Variants in KLHL7 observed in about 807,000 individuals in gnomAD.
KLHL7 encodes the protein kelch-like protein 7.
KLHL7 carries 44 observed loss-of-function variants against 67.4 expected under a neutral mutation model. The observed-to-expected ratio is 0.65, with a 90% CI of 0.51 to 0.84. The LOEUF (loss-of-function observed/expected upper bound fraction) is 0.84, where lower values mean the gene tolerates loss of function less well. Ranked by LOEUF, KLHL7 falls within the 40% of genes least tolerant of loss-of-function variation. The probability of loss-of-function intolerance (pLI) is 0.00; values close to 1 mark genes in which losing one functional copy is unlikely to be tolerated. For synonymous variants in KLHL7, 252 were observed against 243.3 expected, an observed-to-expected ratio of 1.04 and a Z score of -0.33; for missense variants, 362 against 718.1, an observed-to-expected ratio of 0.50 and a Z score of 5.67.
At chr7:23,154,080 G>A (rs1167945234) in intron 7 of KLHL7, among the ~76,000 whole-genome samples, 1 of 152,224 alleles carries the variant, frequency 6.6e-6, no homozygotes, top group Non-Finnish European at 1.5e-5. Context: ...CAGGCCAGGT[G>A]CAGTGGCTCA....
chr7:23,134,171 T>G (rs1783894797), intron 4 of KLHL7, among the ~76,000 whole-genome samples: 2 of 152,224 alleles, frequency 1.3e-5, no homozygotes, highest in African/African-American at 4.8e-5. Flanking sequence ...GGATGTTGAA[T>G]TTTTTCAAAT....
Position 23,119,523 on chromosome 7 carries a change from A to G in KLHL7, c.121-4254A>G, listed in dbSNP as rs369795389. On this transcript the variant is annotated intron_variant, in intron 1 of 10. Transcript: ENST00000339077. ...CCCCCAATATTGTCACATATTATTA[A>G]CATTCATAGTTTACATTAGGGTTGA... 1.6e-4 allele frequency among the ~76,000 whole-genome samples: 25 copies of G among 152,322 alleles called. No individual in the cohort carries two copies. The South Asian group carries it at 5.0e-3, about 30-fold the overall frequency.
intron 1 of KLHL7, among the ~76,000 whole-genome samples, chr7:23,119,500 C>T (rs1360304373): frequency 1.3e-5 from 2 of 152,084 alleles, no homozygotes; most frequent in Non-Finnish European, 2.9e-5. Context: ...GTGCCCAGCC[C>T]CCAATATTGT....
intron 7 of KLHL7, among the ~76,000 whole-genome samples, chr7:23,160,302 C>G (rs1384766549): frequency 6.6e-6 from 1 of 152,206 alleles, no homozygotes; most frequent in Non-Finnish European, 1.5e-5. Flanking sequence ...TATTTCTACT[C>G]AAAGGACAAG....
chr7:23,172,443 A>T (rs1326988280), intron 9 of KLHL7, among the ~76,000 whole-genome samples: 3 of 151,792 alleles, frequency 2.0e-5, no homozygotes, highest in African/African-American at 7.3e-5. Flanking sequence ...AAAGATGGAC[A>T]TGTGAATAGT....
Position 23,143,906 on chromosome 7 carries a change from T to A in KLHL7, c.674T>A (p.Phe225Tyr). Reference protein sequence around the residue: ...LKYDEPNRQPFMVDILAKVRF... With the variant: ...LKYDEPNRQPYMVDILAKVRF... ...TACGATGAACCTAATCGCCAGCCAT[T>A]TATGGTTGATATCCTTGCTAAAGTC... Residue 225 changes from phenylalanine to tyrosine, a missense_variant, in exon 6 of 11, where the codon TTT becomes TAT. Phe to Tyr is a conservative substitution (Grantham distance 22, BLOSUM62 3). This residue lies in a region of KLHL7 where 155 missense variants were observed against 280.8 expected (regional missense o/e 0.55). Transcript: ENST00000339077. 6.2e-7 allele frequency: 1 copy of A among 1,614,150 alleles called. No homozygotes were observed. Among genetic ancestry groups the A allele is most frequent in the Non-Finnish European group, 8.5e-7 (1 of 1,179,988 alleles).
At chr7:23,127,236 A>G (rs1243983852) in intron 4 of KLHL7, among the ~76,000 whole-genome samples, 1 of 152,170 alleles carries the variant, frequency 6.6e-6, no homozygotes, top group Non-Finnish European at 1.5e-5. Context: ...GGTGGTGCAA[A>G]GCATAGTGTG....
chr7:23,155,798 GT>G (rs1784686317), intron 7 of KLHL7, among the ~76,000 whole-genome samples: 1 of 152,182 alleles, frequency 6.6e-6, no homozygotes, highest in Non-Finnish European at 1.5e-5. Flanking sequence ...TAAGCCAAGT[GT>G]TGGTGGAAAA....
Position 23,106,141 on chromosome 7 carries a change from A to G in KLHL7, c.115A>G (p.Lys39Glu), listed in dbSNP as rs1440669437. Residue 39 changes from lysine to glutamate, a missense_variant, in exon 1 of 11, where the codon AAA becomes GAA. Lys to Glu is a moderately conservative substitution (Grantham distance 56). This residue lies in a region of KLHL7 where 57 missense variants were observed against 81.7 expected (regional missense o/e 0.70). Transcript: ENST00000339077. ...CATGGGCGTCATGAATAACATGCGGAAACAGGTACCGCCTCTGTGGGAGTG... is the reference window on the plus strand; with the variant it reads ...CATGGGCGTCATGAATAACATGCGGGAACAGGTACCGCCTCTGTGGGAGTG... The part of the protein sequence containing the change: ...GFMGVMNNMR[K>E]QKTLCDVILM... The G allele has an allele frequency of 6.2e-7, 1 of 1,610,318 alleles. No homozygotes were observed. The highest frequency in any genetic ancestry group is 8.5e-7 in the Non-Finnish European group (1 of 1,178,488).
At chr7:23,133,696 A>C (rs1478553775) in intron 4 of KLHL7, among the ~76,000 whole-genome samples, 1 of 152,178 alleles carries the variant, frequency 6.6e-6, no homozygotes, top group East Asian at 1.9e-4. Context: ...AGCCTCCCAA[A>C]GTGCTGGGAT....
At chr7:23,124,993 C>A in intron 3 of KLHL7, 55 bp from the exon 4 acceptor site, 1 of 1,508,450 alleles carries the variant, frequency 6.6e-7, no homozygotes, top group Non-Finnish European at 9.2e-7. Flanking sequence ...TCCACAGTAA[C>A]ATTTAAATAA....
intron 4 of KLHL7, chr7:23,129,445 C>A: frequency 2.7e-6 from 1 of 368,160 alleles, no homozygotes. Context: ...AGCTGGTTTT[C>A]CAAGGACACT....
At chr7:23,122,810 C>G (rs1289077268) in intron 1 of KLHL7, among the ~76,000 whole-genome samples, 1 of 152,004 alleles carries the variant, frequency 6.6e-6, no homozygotes, top group African/African-American at 2.4e-5. Flanking sequence ...AATGCAAATC[C>G]TCTGAGCCAT....
intron 4 of KLHL7, 199 bp from the exon 5 acceptor site, chr7:23,140,570 A>G (rs890805209): frequency 1.3e-5 from 8 of 619,570 alleles, no homozygotes; most frequent in Non-Finnish European, 1.9e-5. Context: ...AAACAAAAAA[A>G]CAAAAAACAA....
intron 1 of KLHL7, 183 bp downstream of exon 1, chr7:23,106,329 G>C: frequency 6.9e-7 from 1 of 1,453,544 alleles, no homozygotes; most frequent in Non-Finnish European, 9.1e-7. Flanking sequence ...AACAATTCTC[G>C]AGCAAAAGTG....
chr7:23,171,733 G>A (rs6964665), intron 9 of KLHL7, among the ~76,000 whole-genome samples: 56,767 of 151,938 alleles, frequency 0.37, 10,982 homozygotes, highest in African/African-American at 0.46. Flanking sequence ...TTTTTGAGAC[G>A]GCGTCTGCCT....
chr7:23,121,579 G>A (rs1388439806), intron 1 of KLHL7, among the ~76,000 whole-genome samples: 1 of 151,680 alleles, frequency 6.6e-6, no homozygotes, highest in Non-Finnish European at 1.5e-5. Flanking sequence ...AGGATTGGAG[G>A]TGTGAGCGAC....
intron 9 of KLHL7, 108 bp from the exon 10 acceptor site, chr7:23,172,840 A>G: frequency 3.7e-6 from 3 of 816,786 alleles, no homozygotes; most frequent in South Asian, 1.4e-5. Context: ...ATATGTACAC[A>G]TATGTGAGTA....
intron 4 of KLHL7, among the ~76,000 whole-genome samples, chr7:23,135,946 C>T (rs1467507116): frequency 6.6e-6 from 1 of 152,170 alleles, no homozygotes; most frequent in Non-Finnish European, 1.5e-5. Flanking sequence ...TAATCTGTGG[C>T]CGTGTGACTT....
Sources: gnomAD v4.1 joint callset for allele counts (sites outside exome capture counted in the v4.1 genomes callset) on GRCh38, gnomAD v4.1.1 for gene constraint, gnomAD v4.1.1 regional missense constraint, MANE v1.5 for transcripts, NCBI Gene and HGNC (gene_info 2026-07-23, HGNC 2026-07-21) for gene names.